Variants in DNM3 observed in about 807,000 individuals in gnomAD.
DNM3 encodes the protein dynamin-3.
In DNM3, 47 loss-of-function variants were observed where a neutral mutation model predicts 101.6. That is an observed-to-expected ratio of 0.46 (90% CI 0.37 to 0.59). The LOEUF (loss-of-function observed/expected upper bound fraction) is 0.59, where lower values mean the gene tolerates loss of function less well. Among genes scored for constraint, DNM3 ranks in the 20% least tolerant of loss-of-function variants. DNM3 has a pLI of 0.00. For synonymous variants in DNM3, 385 were observed against 387.9 expected, an observed-to-expected ratio of 0.99 and a Z score of 0.09; for missense variants, 849 against 1,085.7, an observed-to-expected ratio of 0.78 and a Z score of 3.06.
At chr1:172,145,396 C>T (rs941496718) in intron 14 of DNM3, among the ~76,000 whole-genome samples, 1 of 150,560 alleles carries the variant, frequency 6.6e-6, no homozygotes, top group African/African-American at 2.4e-5. Flanking sequence ...CTCCTTCCCT[C>T]CCGCTCTCTC....
chr1:172,306,117 G>A (rs528191749), intron 15 of DNM3, among the ~76,000 whole-genome samples: 1 of 152,294 alleles, frequency 6.6e-6, no homozygotes, highest in South Asian at 2.1e-4. Flanking sequence ...TGACATGATT[G>A]TGTATTTAGA....
chr1:171,912,992 T>C (rs933369845), intron 1 of DNM3, among the ~76,000 whole-genome samples: 5 of 152,258 alleles, frequency 3.3e-5, no homozygotes, highest in Non-Finnish European at 7.3e-5. Flanking sequence ...CTTTAAATTC[T>C]TGAACAGACT....
intron 20 of DNM3, among the ~76,000 whole-genome samples, chr1:172,406,337 G>C (rs1399462962): frequency 6.6e-6 from 1 of 151,984 alleles, no homozygotes; most frequent in Non-Finnish European, 1.5e-5. Context: ...AAGTGGGTGT[G>C]ACCTGCGCCC....
At chr1:172,032,930 A>G (rs1023119026) in intron 5 of DNM3, among the ~76,000 whole-genome samples, 175 bp from the exon 6 acceptor site, 1 of 152,164 alleles carries the variant, frequency 6.6e-6, no homozygotes, top group South Asian at 2.1e-4. Flanking sequence ...CGTGGGCTCA[A>G]TCAGCAGCCT....
chr1:172,406,527 A>G (rs2070898977), intron 20 of DNM3, among the ~76,000 whole-genome samples: 1 of 152,024 alleles, frequency 6.6e-6, no homozygotes, highest in South Asian at 2.1e-4. Flanking sequence ...ACATTTTTCA[A>G]GTGCATGAGG....
Position 172,163,768 on chromosome 1 carries a change from G to C in DNM3, c.1659+32480G>C, listed in dbSNP as rs77823175. Among the ~76,000 whole-genome samples the C allele has an allele frequency of 9.6e-3, 1,460 of 152,036 alleles. 25 individuals are homozygous for C. The highest frequency in any genetic ancestry group is 0.034 in the African/African-American group (1,395 of 41,474). On this transcript the variant is annotated intron_variant, in intron 14 of 20. Coordinates refer to ENST00000627582, the MANE Select transcript of DNM3 (RefSeq NM_015569.5). ...TTCTGTGTCTGGTTTATTTCACTTA[G>C]CATGATGCCCTCTAGGTTCATCCGC...
chr1:171,984,211 CATT>C (rs1416213987), intron 2 of DNM3, among the ~76,000 whole-genome samples: 4 of 152,174 alleles, frequency 2.6e-5, no homozygotes, highest in Non-Finnish European at 5.9e-5. Context: ...TCTTGCTCAT[CATT>C]GTCTGTCCTC....
At chr1:172,026,040 A>G (rs993484185) in intron 4 of DNM3, among the ~76,000 whole-genome samples, 5 of 152,160 alleles carry the variant, frequency 3.3e-5, no homozygotes, top group African/African-American at 1.2e-4. Context: ...AACCCAATAC[A>G]AGGAAGCCAA....
chr1:172,389,110 A>G (rs1481692406), intron 20 of DNM3: 1 of 405,270 alleles, frequency 2.5e-6, no homozygotes, highest in Non-Finnish European at 4.5e-6. Flanking sequence ...TTGAAACAAA[A>G]GAGCTATGGA....
At chr1:172,087,889 A>T (rs917728842) in intron 12 of DNM3, among the ~76,000 whole-genome samples, 2 of 152,132 alleles carry the variant, frequency 1.3e-5, no homozygotes, top group Non-Finnish European at 2.9e-5. Flanking sequence ...TTCTATTGTT[A>T]CTATTCCTTT....
intron 14 of DNM3, among the ~76,000 whole-genome samples, chr1:172,181,375 T>TACACACACACACACAC (rs55756017): frequency 1.4e-5 from 2 of 147,612 alleles, no homozygotes; most frequent in Admixed American, 6.8e-5. Flanking sequence ...CACTTGAGTT[T>TACACACACACACACAC]ACACACACAC....
At chr1:172,281,493 A>T (rs1033280826) in intron 15 of DNM3, among the ~76,000 whole-genome samples, 9 of 152,162 alleles carry the variant, frequency 5.9e-5, no homozygotes, top group Admixed American at 2.6e-4. Context: ...AGCCATATGG[A>T]GCTCTAATAG....
At chr1:171,871,143 G>A (rs796372734) in intron 1 of DNM3, among the ~76,000 whole-genome samples, 19 of 152,208 alleles carry the variant, frequency 1.2e-4, no homozygotes, top group African/African-American at 4.3e-4. Context: ...GATCAGGAAG[G>A]GATCAGTACA....
intron 10 of DNM3, among the ~76,000 whole-genome samples, chr1:172,049,809 T>G (rs565791752): frequency 6.6e-6 from 1 of 152,210 alleles, no homozygotes; most frequent in Admixed American, 6.5e-5. Flanking sequence ...GGACAGAGAA[T>G]GAGAATGAAT....
intron 17 of DNM3, among the ~76,000 whole-genome samples, chr1:172,351,928 G>A (rs918285516): frequency 6.6e-6 from 1 of 152,132 alleles, no homozygotes; most frequent in African/African-American, 2.4e-5. Context: ...GACAAATTCC[G>A]ATCCGTCAGC....
intron 7 of DNM3, among the ~76,000 whole-genome samples, chr1:172,039,073 T>G (rs915908495): frequency 1.3e-5 from 2 of 152,136 alleles, no homozygotes; most frequent in African/African-American, 4.8e-5. Context: ...CTGTGGTGTC[T>G]TGGGGTAGGA....
intron 13 of DNM3, among the ~76,000 whole-genome samples, chr1:172,115,176 G>A (rs192522833): frequency 1.3e-5 from 2 of 152,270 alleles, no homozygotes; most frequent in East Asian, 1.9e-4. Flanking sequence ...GAGATAGAAA[G>A]GTGTTAGATA....
chr1:172,298,426 G>A (rs560367486), intron 15 of DNM3, among the ~76,000 whole-genome samples: 1 of 152,286 alleles, frequency 6.6e-6, no homozygotes, highest in Admixed American at 6.5e-5. Context: ...TTCTGCATTA[G>A]AGTAGAAAAA....
chr1:171,910,114 G>A (rs1267630825), intron 1 of DNM3, among the ~76,000 whole-genome samples: 2 of 152,174 alleles, frequency 1.3e-5, no homozygotes, highest in Non-Finnish European at 2.9e-5. Flanking sequence ...AAGTCTTTAG[G>A]TAGCTGATGA....
Sources: gnomAD v4.1 joint callset for allele counts (sites outside exome capture counted in the v4.1 genomes callset) on GRCh38, gnomAD v4.1.1 for gene constraint, MANE v1.5 for transcripts, NCBI Gene and HGNC (gene_info 2026-07-23, HGNC 2026-07-21) for gene names.